Variants in MB21D2 observed in about 807,000 individuals in gnomAD.
MB21D2 encodes Mab-21 domain containing 2, also known as nucleotidyltransferase MB21D2.
Under a neutral mutation model 33.3 loss-of-function variants are expected in MB21D2, and 9 were observed. That is an observed-to-expected ratio of 0.27 (90% CI 0.16 to 0.47). The LOEUF (loss-of-function observed/expected upper bound fraction) is 0.47, where lower values mean the gene tolerates loss of function less well. Ranked by LOEUF, MB21D2 falls within the 20% of genes least tolerant of loss-of-function variation. The pLI is 0.99. For synonymous variants in MB21D2, 241 were observed against 236.3 expected, an observed-to-expected ratio of 1.02 and a Z score of -0.18; for missense variants, 540 against 624.6, an observed-to-expected ratio of 0.86 and a Z score of 1.44.
chr3:192,886,483 CTT>C (rs1036798603), intron 1 of MB21D2, among the ~76,000 whole-genome samples: 7 of 152,118 alleles, frequency 4.6e-5, no homozygotes, highest in Non-Finnish European at 1.0e-4. Context: ...AATCTTGACA[CTT>C]TGCTACATTT....
chr3:192,897,872 C>T (rs1169280308), intron 1 of MB21D2, among the ~76,000 whole-genome samples: 1 of 151,896 alleles, frequency 6.6e-6, no homozygotes, highest in Non-Finnish European at 1.5e-5. Context: ...GTCCCAGCTA[C>T]TGGGGAGGTG....
At chr3:192,870,388 G>A (rs1042520194) in intron 1 of MB21D2, among the ~76,000 whole-genome samples, 2 of 152,122 alleles carry the variant, frequency 1.3e-5, no homozygotes, top group Non-Finnish European at 2.9e-5. Flanking sequence ...GCTTACCCTT[G>A]TTCTTAGAAA....
intron 1 of MB21D2, among the ~76,000 whole-genome samples, chr3:192,815,110 A>G (rs1711892150): frequency 6.6e-6 from 1 of 152,222 alleles, no homozygotes; most frequent in Non-Finnish European, 1.5e-5. Flanking sequence ...TGTTGTTTGA[A>G]TAAGTTAAAA....
intron 1 of MB21D2, among the ~76,000 whole-genome samples, chr3:192,804,274 G>C (rs934168134): frequency 6.6e-5 from 10 of 152,036 alleles, no homozygotes; most frequent in Admixed American, 1.3e-4. Context: ...AACATATAAT[G>C]CCAGATTGCT....
chr3:192,798,885 G>A lies in MB21D2; in HGVS notation c.977C>T (p.Ala326Val). The change falls in exon 2 of 2, where the codon GCT (alanine) becomes GTT (valine). Residue 326 changes from alanine to valine, a missense_variant. Transcript: ENST00000392452. The surrounding 1 kb of genome is among the most constrained non-coding windows in gnomAD (Gnocchi z 4.8). ...IIIKLLSRPK[A>V]ISPYHLRSMM... ...GCTCCGCAGGTGATAGGGGCTAATA[G>A]CCTTGGGCCGGGACAGCAGTTTAAT... 6.2e-7 allele frequency: 1 copy of A among 1,613,572 alleles called. No homozygotes were observed. Among genetic ancestry groups the A allele is most frequent in the Non-Finnish European group, 8.5e-7 (1 of 1,179,812 alleles).
At chr3:192,890,919 C>T (rs527429312) in intron 1 of MB21D2, among the ~76,000 whole-genome samples, 1 of 152,162 alleles carries the variant, frequency 6.6e-6, no homozygotes, top group East Asian at 1.9e-4. Context: ...CTCATAAAAA[C>T]TCAGTTTATC....
intron 1 of MB21D2, among the ~76,000 whole-genome samples, chr3:192,822,476 T>C (rs200961500): frequency 1.3e-5 from 2 of 151,556 alleles, no homozygotes; most frequent in African/African-American, 4.9e-5. Context: ...ACATAGAAGT[T>C]CTAATAGATG....
chr3:192,907,923 C>A (rs1373194864), intron 1 of MB21D2, among the ~76,000 whole-genome samples: 1 of 152,142 alleles, frequency 6.6e-6, no homozygotes, highest in Non-Finnish European at 1.5e-5. Flanking sequence ...TGAAGAAACA[C>A]CGGGGTCCAC....
chr3:192,888,789 T>C (rs541953127), intron 1 of MB21D2, among the ~76,000 whole-genome samples: 1 of 152,270 alleles, frequency 6.6e-6, no homozygotes, highest in South Asian at 2.1e-4. Flanking sequence ...CTCCCCTCTT[T>C]GCAAGTATTT....
chr3:192,836,243 T>A (rs1712436241), intron 1 of MB21D2, among the ~76,000 whole-genome samples: 5 of 152,086 alleles, frequency 3.3e-5, no homozygotes, highest in Admixed American at 3.3e-4. Context: ...ATGGACCAAA[T>A]GTCTTTAGGG....
At chr3:192,830,949 G>C (rs756265113) in intron 1 of MB21D2, among the ~76,000 whole-genome samples, 3 of 152,140 alleles carry the variant, frequency 2.0e-5, no homozygotes, top group African/African-American at 7.2e-5. Flanking sequence ...AAGCTAATAA[G>C]GACAAAACTA....
chr3:192,844,457 C>T (rs1712640162), intron 1 of MB21D2, among the ~76,000 whole-genome samples: 1 of 152,206 alleles, frequency 6.6e-6, no homozygotes, highest in Admixed American at 6.5e-5. Context: ...TGCCTCTCCC[C>T]ACTGCTGTGC....
At chr3:192,912,402 C>T (rs536809933) in intron 1 of MB21D2, among the ~76,000 whole-genome samples, 62 of 152,206 alleles carry the variant, frequency 4.1e-4, no homozygotes, top group Non-Finnish European at 7.2e-4. Context: ...GGCATGGTGG[C>T]TTACGCCTGT....
chr3:192,881,518 T>C (rs1410599837), intron 1 of MB21D2, among the ~76,000 whole-genome samples: 49 of 152,228 alleles, frequency 3.2e-4, no homozygotes, highest in Non-Finnish European at 4.4e-5. Flanking sequence ...CCTAAACGTA[T>C]AGCTTTGCTG....
intron 1 of MB21D2, among the ~76,000 whole-genome samples, chr3:192,811,454 G>C (rs1473859735): frequency 6.6e-6 from 1 of 152,102 alleles, no homozygotes; most frequent in Non-Finnish European, 1.5e-5. Context: ...TGGCCATGAG[G>C]AGCCTGGAAG....
intron 1 of MB21D2, among the ~76,000 whole-genome samples, chr3:192,838,974 C>G (rs1161581437): frequency 6.6e-6 from 1 of 152,156 alleles, no homozygotes; most frequent in Non-Finnish European, 1.5e-5. Flanking sequence ...TCAAAAAAGC[C>G]TGGGTTTGAG....
chr3:192,916,608 T>C (rs953242082), intron 1 of MB21D2, among the ~76,000 whole-genome samples: 1 of 152,214 alleles, frequency 6.6e-6, no homozygotes, highest in Admixed American at 6.5e-5. Context: ...ACGGATCCGC[T>C]GGCGGAGCCG....
intron 1 of MB21D2, among the ~76,000 whole-genome samples, chr3:192,862,874 G>A (rs755003236): frequency 2.0e-5 from 3 of 152,198 alleles, no homozygotes; most frequent in Admixed American, 6.5e-5. Context: ...GGCAGATTCC[G>A]TGCCTGGGGG....
chr3:192,909,727 T>C (rs1714297297), intron 1 of MB21D2, among the ~76,000 whole-genome samples: 1 of 151,536 alleles, frequency 6.6e-6, no homozygotes. Context: ...GGTCAGGAGT[T>C]CAAGACCAGC....
Sources: gnomAD v4.1 joint callset for allele counts (sites outside exome capture counted in the v4.1 genomes callset) on GRCh38, gnomAD v4.1.1 for gene constraint, Gnocchi (gnomAD v3.1) non-coding constraint, MANE v1.5 for transcripts, NCBI Gene and HGNC (gene_info 2026-07-23, HGNC 2026-07-21) for gene names.